The following ASIC2 variants were observed in gnomAD, a reference collection of about 807,000 sequenced individuals.
The protein encoded by ASIC2 is acid sensing ion channel subunit 2.
ASIC2 carries 25 observed loss-of-function variants against 57.3 expected under a neutral mutation model. The observed-to-expected ratio is 0.44, with a 90% CI of 0.32 to 0.61. ASIC2 has a LOEUF of 0.61. Ranked by LOEUF, ASIC2 falls within the 20% of genes least tolerant of loss-of-function variation. The pLI, the probability that ASIC2 is intolerant of heterozygous loss-of-function variation, is 0.06. For synonymous variants in ASIC2, 319 were observed against 307.5 expected, an observed-to-expected ratio of 1.04 and a Z score of -0.39; for missense variants, 641 against 738.1, an observed-to-expected ratio of 0.87 and a Z score of 1.52.
rs1351830576 is a variant in ASIC2, at chr17:33,478,939, A to G, written c.556-366872T>C. Among the ~76,000 whole-genome samples the G allele has an allele frequency of 2.0e-5, 3 of 152,202 alleles. 1 individual carries two copies. In the South Asian group the frequency reaches 6.2e-4, roughly 31 times the overall value. ...TTTCATGTTCAGGTTGCATGTCAAG[A>G]TAATACTGTTAGGAAGTACATGGAT... is the stretch of plus-strand genomic sequence containing the variant. On this transcript the variant is annotated intron_variant, in intron 1 of 9. Transcript: ENST00000359872.
At chr17:34,081,401 A>C (rs1192486764) in intron 1 of ASIC2, among the ~76,000 whole-genome samples, 21 of 152,218 alleles carry the variant, frequency 1.4e-4, no homozygotes, top group Non-Finnish European at 1.5e-5. Flanking sequence ...TCTTTGCCAC[A>C]CTTAGGGAAG....
chr17:33,721,102 G>A (rs943218757), intron 1 of ASIC2, among the ~76,000 whole-genome samples: 5 of 152,034 alleles, frequency 3.3e-5, no homozygotes, highest in African/African-American at 1.2e-4. Context: ...GCATTATTCA[G>A]CCCAGCCATT....
intron 3 of ASIC2, among the ~76,000 whole-genome samples, chr17:33,053,293 C>T (rs12450465): frequency 0.4 from 60,204 of 152,168 alleles, 13,098 homozygotes; most frequent in East Asian, 0.65. Flanking sequence ...TAGCACATTG[C>T]AATTCACCTC....
intron 1 of ASIC2, among the ~76,000 whole-genome samples, chr17:33,211,965 C>A (rs1270560129): frequency 1.3e-5 from 2 of 151,994 alleles, no homozygotes; most frequent in Non-Finnish European, 2.9e-5. Context: ...CTCACTATGG[C>A]CCAGGAAGGG....
At chr17:33,407,476 T>G (rs1910510904) in intron 1 of ASIC2, among the ~76,000 whole-genome samples, 1 of 152,204 alleles carries the variant, frequency 6.6e-6, no homozygotes, top group Non-Finnish European at 1.5e-5. Context: ...CTATATTTTC[T>G]TCCCATCCCC....
chr17:33,218,185 C>T (rs1310944595), intron 1 of ASIC2, among the ~76,000 whole-genome samples: 2 of 152,224 alleles, frequency 1.3e-5, no homozygotes, highest in African/African-American at 4.8e-5. Flanking sequence ...CAGTCTGCCC[C>T]TCTGCAGTGC....
chr17:33,426,516 C>G (rs1309232912), intron 1 of ASIC2, among the ~76,000 whole-genome samples: 1 of 152,208 alleles, frequency 6.6e-6, no homozygotes, highest in Non-Finnish European at 1.5e-5. Context: ...GTGTTATAGA[C>G]ACTTCTCCAC....
At chr17:33,473,948 C>A (rs1355152298) in intron 1 of ASIC2, among the ~76,000 whole-genome samples, 1 of 152,064 alleles carries the variant, frequency 6.6e-6, no homozygotes, top group African/African-American at 2.4e-5. Context: ...TTTGGTCAGG[C>A]AAAATGTGCC....
At chr17:33,492,955 A>G (rs1431480955) in intron 1 of ASIC2, among the ~76,000 whole-genome samples, 1 of 152,248 alleles carries the variant, frequency 6.6e-6, no homozygotes, top group South Asian at 2.1e-4. Context: ...TTCCAGCCAC[A>G]GGCAGCTGAA....
chr17:33,418,428 C>T (rs183436728), intron 1 of ASIC2, among the ~76,000 whole-genome samples: 8 of 152,122 alleles, frequency 5.3e-5, no homozygotes, highest in East Asian at 1.9e-4. Flanking sequence ...GTGTTTTAGT[C>T]GTGAAGTCTT....
At chr17:33,047,199 C>T (rs2091958992) in intron 3 of ASIC2, among the ~76,000 whole-genome samples, 1 of 152,172 alleles carries the variant, frequency 6.6e-6, no homozygotes, top group African/African-American at 2.4e-5. Context: ...AATCTGGGAT[C>T]CAAACTTTAT....
At chr17:34,014,232 T>A (rs1906866410) in intron 1 of ASIC2, among the ~76,000 whole-genome samples, 1 of 152,230 alleles carries the variant, frequency 6.6e-6, no homozygotes, top group South Asian at 2.1e-4. Flanking sequence ...ATGCTTTTAA[T>A]CTGCTTCTAC....
intron 1 of ASIC2, among the ~76,000 whole-genome samples, chr17:33,588,848 G>A (rs963607699): frequency 1.2e-4 from 18 of 152,196 alleles, no homozygotes; most frequent in Non-Finnish European, 7.3e-5. Context: ...GTATTGGCAT[G>A]TGTTAAGAAC....
intron 1 of ASIC2, among the ~76,000 whole-genome samples, chr17:33,657,608 A>T (rs1907115087): frequency 6.6e-6 from 1 of 152,072 alleles, no homozygotes; most frequent in South Asian, 2.1e-4. Flanking sequence ...ACTTAACTAA[A>T]TGAGGTGCTT....
chr17:33,750,335 G>T (rs1910390416), intron 1 of ASIC2, among the ~76,000 whole-genome samples: 1 of 152,036 alleles, frequency 6.6e-6, no homozygotes, highest in Non-Finnish European at 1.5e-5. Context: ...AACTGAGGGG[G>T]AAACGGTGGT....
At chr17:33,818,277 T>C (rs1171375504) in intron 1 of ASIC2, among the ~76,000 whole-genome samples, 8 of 152,212 alleles carry the variant, frequency 5.3e-5, no homozygotes, top group Non-Finnish European at 8.8e-5. Flanking sequence ...CAGATTTATT[T>C]TGGTGATTAA....
intron 1 of ASIC2, among the ~76,000 whole-genome samples, chr17:33,277,742 T>C (rs1422394959): frequency 6.6e-6 from 1 of 152,332 alleles, no homozygotes; most frequent in East Asian, 1.9e-4. Context: ...TAGACAGGGA[T>C]ATGTGATTGG....
rs1399385883 is a variant in ASIC2 at position 33,038,722 on chromosome 17, C to T, written c.988-10330G>A. The stretch of plus-strand genomic sequence containing the variant: ...CATTGCTCCACTGTCTGGAGCTTCT[C>T]TCAACAGTCGCCTTCATTTTGTAGA... On this transcript the variant is annotated intron_variant, in intron 3 of 9. Coordinates refer to ENST00000225823, the MANE Select transcript of ASIC2 (RefSeq NM_183377.2). Among the ~76,000 whole-genome samples the T allele has an allele frequency of 2.0e-5, 3 of 152,248 alleles. No individual in the cohort carries two copies. In the East Asian group the frequency reaches 5.8e-4, roughly 29 times the overall value.
chr17:33,865,766 A>T (rs1455501915), intron 1 of ASIC2, among the ~76,000 whole-genome samples: 5 of 80,028 alleles, frequency 6.2e-5, no homozygotes, highest in African/African-American at 2.0e-4. Flanking sequence ...AAATAAAAAA[A>T]AAAAACAAAA....
Sources: gnomAD v4.1 joint callset for allele counts (sites outside exome capture counted in the v4.1 genomes callset) on GRCh38, gnomAD v4.1.1 for gene constraint, MANE v1.5 for transcripts, NCBI Gene and HGNC (gene_info 2026-07-23, HGNC 2026-07-21) for gene names.